The following PIGF variants were observed in gnomAD, a reference collection of about 807,000 sequenced individuals.
PIGF encodes the protein GPI ethanolamine phosphate transferase, stabilizing subunit.
Under a neutral mutation model 26.0 loss-of-function variants are expected in PIGF, and 23 were observed. The observed-to-expected ratio is 0.88, with a 90% CI of 0.64 to 1.25. PIGF has a LOEUF of 1.25. Among genes scored for constraint, PIGF ranks in the 50% most tolerant of loss-of-function variants. The probability of loss-of-function intolerance (pLI) is 0.00; values close to 1 mark genes in which losing one functional copy is unlikely to be tolerated. For missense variants in PIGF, 278 were observed against 249.9 expected, an observed-to-expected ratio of 1.11 and a Z score of -0.76; for synonymous variants, 93 against 92.6, an observed-to-expected ratio of 1.00 and a Z score of -0.03.
intron 4 of PIGF, among the ~76,000 whole-genome samples, chr2:46,605,787 C>T (rs1330734540): frequency 6.6e-6 from 1 of 152,124 alleles, no homozygotes; most frequent in Non-Finnish European, 1.5e-5. Flanking sequence ...GGGCAAATCA[C>T]TTAACCTGTC....
Position 46,603,522 on chromosome 2 carries a change from T to C in PIGF, c.437+8706A>G, listed in dbSNP as rs149531242. ...GCATAAAAACAGGCACATAGACCAA[T>C]AGAACAAATAGAGAACCCAGAAGTA... is the stretch of plus-strand genomic sequence containing the variant. On this transcript the variant is annotated intron_variant, in intron 4 of 5. Transcript: ENST00000281382. Among the ~76,000 whole-genome samples the C allele has an allele frequency of 1.6e-4, 24 of 151,974 alleles. No individual in the cohort carries two copies. The East Asian group carries it at 3.1e-3, about 20-fold the overall frequency.
intron 4 of PIGF, among the ~76,000 whole-genome samples, chr2:46,603,615 T>A (rs1191426065): frequency 6.6e-6 from 1 of 151,884 alleles, no homozygotes; most frequent in African/African-American, 2.4e-5. Flanking sequence ...GAAAGAGCAG[T>A]CTCTTCCATA....
chr2:46,594,309 T>C (rs1246982705), intron 4 of PIGF, among the ~76,000 whole-genome samples: 1 of 152,154 alleles, frequency 6.6e-6, no homozygotes, highest in Non-Finnish European at 1.5e-5. Flanking sequence ...ACATAAGGTG[T>C]GGTAGAGGTT....
At chr2:46,598,389 C>A (rs1424252649) in intron 4 of PIGF, among the ~76,000 whole-genome samples, 2 of 152,090 alleles carry the variant, frequency 1.3e-5, no homozygotes, top group African/African-American at 4.8e-5. Flanking sequence ...TATGTAATGT[C>A]CAGACTAGGC....
At chr2:46,587,567 T>C (rs1409454574) in intron 5 of PIGF, among the ~76,000 whole-genome samples, 4 of 152,198 alleles carry the variant, frequency 2.6e-5, no homozygotes, top group Non-Finnish European at 5.9e-5. Flanking sequence ...TGTCTAAAAT[T>C]CAAAATCTCC....
chr2:46,595,640 T>G (rs571677764), intron 4 of PIGF, among the ~76,000 whole-genome samples: 7 of 152,356 alleles, frequency 4.6e-5, no homozygotes, highest in African/African-American at 1.7e-4. Context: ...TTAGGTCCTA[T>G]GGAAACTCTT....
At chr2:46,595,794 G>A (rs969916420) in intron 4 of PIGF, among the ~76,000 whole-genome samples, 4 of 152,096 alleles carry the variant, frequency 2.6e-5, no homozygotes, top group East Asian at 1.9e-4. Context: ...TACAGTCATC[G>A]TAATTGGTGT....
At chr2:46,585,940 A>C (rs1669558162) in intron 5 of PIGF, among the ~76,000 whole-genome samples, 1 of 151,892 alleles carries the variant, frequency 6.6e-6, no homozygotes, top group African/African-American at 2.4e-5. Flanking sequence ...CGTCCAGCTA[A>C]TTTTTTTGTA....
At chr2:46,584,470 C>T (rs1669503204) in intron 5 of PIGF, among the ~76,000 whole-genome samples, 1 of 152,154 alleles carries the variant, frequency 6.6e-6, no homozygotes, top group Non-Finnish European at 1.5e-5. Flanking sequence ...TTTGTAATTT[C>T]AGTATGGCTC....
intron 4 of PIGF, among the ~76,000 whole-genome samples, chr2:46,604,481 T>TA (rs34334394): frequency 0.036 from 5,176 of 145,684 alleles, 146 homozygotes; most frequent in Non-Finnish European, 0.048. Flanking sequence ...ACTAATGGAT[T>TA]AAAAAAAAAA....
intron 4 of PIGF, among the ~76,000 whole-genome samples, chr2:46,594,924 C>G (rs541369692): frequency 2.1e-4 from 32 of 151,666 alleles, no homozygotes; most frequent in African/African-American, 7.3e-4. Flanking sequence ...AACCTGGGCT[C>G]ACTGCAACGT....
chr2:46,592,822 G>C (rs979531963), intron 4 of PIGF, among the ~76,000 whole-genome samples: 1 of 152,180 alleles, frequency 6.6e-6, no homozygotes, highest in African/African-American at 2.4e-5. Context: ...ATGTTAAAGA[G>C]CATTTGTAGA....
In PIGF at chr2:46,602,036, GAA is replaced by G. The variant is rs3835757; in HGVS notation, c.438-9455_438-9454del. Reference sequence around the variant, plus strand: ...TTCCTTTATAAGAAAGTCTGCAAATGAAAAAAAAAATAATTTTAATGCCAATG... The same window carrying G: ...TTCCTTTATAAGAAAGTCTGCAAATGAAAAAAAATAATTTTAATGCCAATG... On this transcript the variant is annotated intron_variant, in intron 4 of 5. Transcript: ENST00000281382. Among the ~76,000 whole-genome samples, 105 of 148,122 alleles carry G rather than the reference GAA, an allele frequency of 7.1e-4. 1 individual carries two copies. Among genetic ancestry groups the G allele is most frequent in the African/African-American group, 2.5e-3 (104 of 40,858 alleles).
intron 4 of PIGF, among the ~76,000 whole-genome samples, chr2:46,605,085 C>T (rs375381205): frequency 3.3e-5 from 5 of 151,862 alleles, no homozygotes; most frequent in South Asian, 2.1e-4. Flanking sequence ...ACTAGTAATT[C>T]TTTGTGAATA....
At chr2:46,610,315 C>T (rs1670370753) in intron 4 of PIGF, among the ~76,000 whole-genome samples, 1 of 152,112 alleles carries the variant, frequency 6.6e-6, no homozygotes, top group African/African-American at 2.4e-5. Flanking sequence ...TAGACATAGA[C>T]TTGAAAACTG....
intron 4 of PIGF, among the ~76,000 whole-genome samples, chr2:46,593,431 T>C (rs557467530): frequency 6.6e-6 from 1 of 152,320 alleles, no homozygotes; most frequent in Admixed American, 6.5e-5. Context: ...GCACCCGGCC[T>C]CAACTAGTCT....
chr2:46,603,880 T>C (rs992009914), intron 4 of PIGF, among the ~76,000 whole-genome samples: 6 of 151,964 alleles, frequency 3.9e-5, no homozygotes, highest in African/African-American at 1.4e-4. Flanking sequence ...GTTAAAAAGC[T>C]TCTGTACAGC....
chr2:46,603,861 T>A (rs1254418121), intron 4 of PIGF, among the ~76,000 whole-genome samples: 1 of 151,910 alleles, frequency 6.6e-6, no homozygotes, highest in Non-Finnish European at 1.5e-5. Context: ...ACAAATGGAA[T>A]CACATCAAGT....
At chr2:46,592,075 G>C (rs1669737781) in intron 5 of PIGF, 3 of 810,144 alleles carry the variant, frequency 3.7e-6, no homozygotes, top group Non-Finnish European at 5.2e-6. Flanking sequence ...ATACTGGCTG[G>C]GCTCGGTGGC....
Sources: allele counts gnomAD v4.1 joint callset (sites outside exome capture counted in the v4.1 genomes callset), GRCh38; gene constraint gnomAD v4.1.1; transcripts MANE v1.5; gene names NCBI Gene and HGNC (gene_info 2026-07-23, HGNC 2026-07-21).